The following RIMS2 variants were observed in gnomAD, a reference collection of about 807,000 sequenced individuals.
RIMS2 encodes regulating synaptic membrane exocytosis 2.
In RIMS2, 59 loss-of-function variants were observed where a neutral mutation model predicts 174.4. The ratio of observed to expected loss-of-function variants is 0.34; its 90% confidence interval spans 0.27 to 0.42. The LOEUF is 0.42. Among genes scored for constraint, RIMS2 ranks in the 10% least tolerant of loss-of-function variants. The pLI is 1.00. For missense variants in RIMS2, 1,620 were observed against 1,666.3 expected, an observed-to-expected ratio of 0.97 and a Z score of 0.48; for synonymous variants, 606 against 572.5, an observed-to-expected ratio of 1.06 and a Z score of -0.84.
chr8:103,825,206 C>T (rs1044012324), intron 3 of RIMS2, among the ~76,000 whole-genome samples: 2 of 151,738 alleles, frequency 1.3e-5, no homozygotes, highest in Non-Finnish European at 2.9e-5. Flanking sequence ...TGTTCTAAAA[C>T]TTCACATAAT....
chr8:103,667,967 G>A (rs2096694884), intron 1 of RIMS2, among the ~76,000 whole-genome samples: 1 of 152,150 alleles, frequency 6.6e-6, no homozygotes, highest in Admixed American at 6.5e-5. Context: ...CCAAATCTCT[G>A]AGTTTTAGAT....
intron 1 of RIMS2, among the ~76,000 whole-genome samples, chr8:103,527,462 A>T (rs548894808): frequency 6.6e-6 from 1 of 152,196 alleles, no homozygotes; most frequent in African/African-American, 2.4e-5. Flanking sequence ...ACATATGTAT[A>T]CATGTGCCAT....
Position 104,190,245 on chromosome 8 carries a change from T to G in RIMS2, c.3335-54671T>G, listed in dbSNP as rs750653926. On this transcript the variant is annotated intron_variant, in intron 19 of 23. Coordinates refer to ENST00000504942, the Ensembl canonical transcript of RIMS2. ...TGAGCCAAAGAGTTCAAGGCTGCAG[T>G]GGACCATGATTATGCCATTGCACCT... Among the ~76,000 whole-genome samples the G allele has an allele frequency of 2.4e-4, 37 of 152,150 alleles. No individual in the cohort carries two copies. The South Asian group carries it at 3.7e-3, about 15-fold the overall frequency.
chr8:104,198,016 C>A (rs1362252779), intron 19 of RIMS2, among the ~76,000 whole-genome samples: 1 of 151,710 alleles, frequency 6.6e-6, no homozygotes, highest in Non-Finnish European at 1.5e-5. Context: ...CAGTCAAAAT[C>A]TTCAAAAGTA....
chr8:104,062,323 C>T (rs1450255980), intron 19 of RIMS2, among the ~76,000 whole-genome samples: 1 of 152,038 alleles, frequency 6.6e-6, no homozygotes, highest in Non-Finnish European at 1.5e-5. Context: ...AGAATTGCTT[C>T]AACCCAGGAG....
intron 3 of RIMS2, among the ~76,000 whole-genome samples, chr8:103,851,644 TACACACACAC>T (rs10529078): frequency 0.041 from 5,561 of 136,552 alleles, 190 homozygotes; most frequent in African/African-American, 0.095. Flanking sequence ...GAATGCTATG[TACACACACAC>T]ACACACACAC....
chr8:103,953,350 A>G (rs1213142269), intron 14 of RIMS2, among the ~76,000 whole-genome samples: 1 of 152,212 alleles, frequency 6.6e-6, no homozygotes, highest in East Asian at 1.9e-4. Flanking sequence ...GCAGCCAGAG[A>G]GAAAGGGCGA....
intron 1 of RIMS2, among the ~76,000 whole-genome samples, chr8:103,655,456 T>C (rs753894136): frequency 9.3e-5 from 12 of 129,392 alleles, no homozygotes; most frequent in Middle Eastern, 4.0e-3. Flanking sequence ...AGCAAAATGG[T>C]AAAGGTAATT....
At chr8:103,848,117 CTATTCCTGTCCATATGTGT>C (rs1310386989) in intron 3 of RIMS2, among the ~76,000 whole-genome samples, 1 of 152,072 alleles carries the variant, frequency 6.6e-6, no homozygotes, top group Admixed American at 6.6e-5. Flanking sequence ...CTATTCACCA[CTATTCCTGTCCATATGTGT>C]TATGACCTTA....
intron 3 of RIMS2, among the ~76,000 whole-genome samples, chr8:103,876,771 T>C (rs1172583023): frequency 6.7e-6 from 1 of 149,598 alleles, no homozygotes; most frequent in Non-Finnish European, 1.5e-5. Context: ...ATGCCATTAT[T>C]ACGTTCCTTT....
At chr8:103,592,202 C>T (rs1391099413) in intron 1 of RIMS2, among the ~76,000 whole-genome samples, 1 of 151,080 alleles carries the variant, frequency 6.6e-6, no homozygotes, top group African/African-American at 2.4e-5. Context: ...TCACAATTTT[C>T]TTTCTGTTAT....
Position 103,865,985 on chromosome 8 carries a change from A to G in RIMS2, c.699-19313A>G, listed in dbSNP as rs146026511. 3.2e-3 allele frequency among the ~76,000 whole-genome samples: 488 copies of G among 152,268 alleles called. 4 individuals are homozygous for G. Among genetic ancestry groups the G allele is most frequent in the African/African-American group, 1.0e-2 (415 of 41,554 alleles). On this transcript the variant is annotated intron_variant, in intron 3 of 23. Transcript: ENST00000504942. ...TTCACTTGCCCTTCAGTACATATAG[A>G]TGTTGCTCTTTAGGACTCAAATAAC...
intron 19 of RIMS2, among the ~76,000 whole-genome samples, chr8:104,118,119 C>T (rs1482444183): frequency 6.6e-6 from 1 of 152,010 alleles, no homozygotes; most frequent in Non-Finnish European, 1.5e-5. Flanking sequence ...AACAAAGTTC[C>T]TCATGATGAT....
chr8:103,505,614 C>CAGA (rs1823109043), intron 1 of RIMS2, among the ~76,000 whole-genome samples: 2 of 151,986 alleles, frequency 1.3e-5, no homozygotes, highest in Admixed American at 1.3e-4. Context: ...ATATTTGAGA[C>CAGA]AGATTCCTAG....
At chr8:103,780,945 T>TAG (rs1369664918) in intron 3 of RIMS2, among the ~76,000 whole-genome samples, 84 of 152,300 alleles carry the variant, frequency 5.5e-4, no homozygotes, top group Non-Finnish European at 6.3e-4. Flanking sequence ...GCCTTCTTTT[T>TAG]GTTGCTGGAT....
intron 10 of RIMS2, among the ~76,000 whole-genome samples, chr8:103,925,602 G>A (rs534647209): frequency 6.6e-6 from 1 of 151,628 alleles, no homozygotes; most frequent in Admixed American, 6.6e-5. Flanking sequence ...TTTGTATGAA[G>A]CCTGAATTGT....
At chr8:103,800,809 T>G (rs368163469) in intron 3 of RIMS2, among the ~76,000 whole-genome samples, 1 of 152,152 alleles carries the variant, frequency 6.6e-6, no homozygotes, top group African/African-American at 2.4e-5. Flanking sequence ...GTAACATCAT[T>G]GATTTAATCA....
chr8:103,974,335 G>A (rs897111142), intron 15 of RIMS2, among the ~76,000 whole-genome samples: 3 of 152,158 alleles, frequency 2.0e-5, no homozygotes, highest in African/African-American at 4.8e-5. Context: ...AAAGTGCATA[G>A]CAGAGTTCCT....
intron 1 of RIMS2, among the ~76,000 whole-genome samples, chr8:103,598,499 T>C (rs2094561777): frequency 6.6e-6 from 1 of 152,150 alleles, no homozygotes; most frequent in African/African-American, 2.4e-5. Flanking sequence ...GTCAGGAAAA[T>C]ATGCACTAGG....
Sources: allele counts gnomAD v4.1 joint callset (sites outside exome capture counted in the v4.1 genomes callset), GRCh38; gene constraint gnomAD v4.1.1; transcripts MANE v1.5; gene names NCBI Gene and HGNC (gene_info 2026-07-23, HGNC 2026-07-21).